Variants in ASB15 observed in about 807,000 individuals in gnomAD.
ASB15 encodes the protein ankyrin repeat and SOCS box containing 15.
In ASB15, 54 loss-of-function variants were observed where a neutral mutation model predicts 58.0. The observed-to-expected ratio is 0.93, with a 90% CI of 0.75 to 1.17. The LOEUF (loss-of-function observed/expected upper bound fraction) is 1.17, where lower values mean the gene tolerates loss of function less well. ASB15 is among the 50% of genes most tolerant of loss of function. The probability of loss-of-function intolerance (pLI) is 0.00; values close to 1 mark genes in which losing one functional copy is unlikely to be tolerated. For synonymous variants in ASB15, 249 were observed against 262.4 expected, an observed-to-expected ratio of 0.95 and a Z score of 0.50; for missense variants, 680 against 707.4, an observed-to-expected ratio of 0.96 and a Z score of 0.44.
intron 3 of ASB15, among the ~76,000 whole-genome samples, chr7:123,610,382 T>C (rs912042409): frequency 1.3e-5 from 2 of 152,230 alleles, no homozygotes; most frequent in Non-Finnish European, 2.9e-5. Flanking sequence ...CTTGATAATT[T>C]ATGGTTATTA....
chr7:123,580,676 G>A (rs1799205272), intron 1 of ASB15, among the ~76,000 whole-genome samples: 1 of 152,052 alleles, frequency 6.6e-6, no homozygotes, highest in Non-Finnish European at 1.5e-5. Flanking sequence ...GGGCACCCAT[G>A]TGGGTGAGTG....
chr7:123,589,190 T>C (rs1426528535), intron 1 of ASB15, among the ~76,000 whole-genome samples: 1 of 151,834 alleles, frequency 6.6e-6, no homozygotes, highest in Admixed American at 6.6e-5. Flanking sequence ...GAACTCTTAA[T>C]ATTTCCTTAC....
chr7:123,588,931 T>A (rs1799451861), intron 1 of ASB15, among the ~76,000 whole-genome samples: 1 of 152,028 alleles, frequency 6.6e-6, no homozygotes, highest in Middle Eastern at 3.4e-3. Context: ...TTGGAAAAGA[T>A]AATTGATATG....
chr7:123,589,911 A>G (rs1339098958), intron 1 of ASB15, among the ~76,000 whole-genome samples: 1 of 152,012 alleles, frequency 6.6e-6, no homozygotes, highest in Non-Finnish European at 1.5e-5. Context: ...TTCCACAATT[A>G]TTGAACTAAT....
chr7:123,570,083 G>T (rs1562905254), intron 1 of ASB15, among the ~76,000 whole-genome samples: 1 of 141,642 alleles, frequency 7.1e-6, no homozygotes, highest in Non-Finnish European at 1.5e-5. Context: ...TGCCCAGGCT[G>T]GCTTGCAGTG....
chr7:123,614,349 T>C (rs907116667), intron 3 of ASB15, 152 bp from the exon 4 acceptor site: 4 of 581,864 alleles, frequency 6.9e-6, no homozygotes, highest in Non-Finnish European at 1.2e-5. Context: ...ACAAGTAATG[T>C]GGATTAAAAT....
chr7:123,579,618 A>G (rs1193609661), intron 1 of ASB15, among the ~76,000 whole-genome samples: 2 of 152,114 alleles, frequency 1.3e-5, no homozygotes, highest in Non-Finnish European at 2.9e-5. Context: ...ATTTAGAACA[A>G]GTTTGCAACA....
intron 11 of ASB15, among the ~76,000 whole-genome samples, chr7:123,632,655 G>A (rs2116672793): frequency 6.6e-6 from 1 of 152,118 alleles, no homozygotes; most frequent in African/African-American, 2.4e-5. Context: ...CATCCCTGTA[G>A]CTTAGATAAA....
At chr7:123,603,850 A>G (rs780851984) in intron 1 of ASB15, among the ~76,000 whole-genome samples, 182 bp from the exon 2 acceptor site, 6 of 152,228 alleles carry the variant, frequency 3.9e-5, no homozygotes, top group African/African-American at 7.2e-5. Context: ...GGTCTAAATC[A>G]AGTCTGTAAC....
chr7:123,575,663 T>C (rs1395488137), intron 1 of ASB15, among the ~76,000 whole-genome samples: 1 of 152,108 alleles, frequency 6.6e-6, no homozygotes, highest in Non-Finnish European at 1.5e-5. Flanking sequence ...GTAACCTTTA[T>C]CTTTGAAGGA....
intron 1 of ASB15, chr7:123,596,515 T>A (rs905636970): frequency 6.6e-6 from 1 of 151,926 alleles, no homozygotes; most frequent in Non-Finnish European, 1.5e-5. Flanking sequence ...AGGAGGCTGA[T>A]GCGAGATGAT....
chr7:123,588,386 C>T (rs1176704183), intron 1 of ASB15, among the ~76,000 whole-genome samples: 1 of 151,356 alleles, frequency 6.6e-6, no homozygotes, highest in Non-Finnish European at 1.5e-5. Flanking sequence ...TTATTCATTT[C>T]ATTTGAATCT....
rs1458610966 is a variant in ASB15 at position 123,636,794 on chromosome 7, C to T, written c.1595-15C>T. 7 of 1,588,430 alleles carry T rather than the reference C, an allele frequency of 4.4e-6. No individual in the cohort carries two copies. In the South Asian group the frequency reaches 6.9e-5, roughly 16 times the overall value. Reference sequence around the variant, plus strand: ...TTTAAAAAATTTTTTTGCTTATTTTCCCGATTTCTTTTAGAGAATCCTTGT... The same window carrying T: ...TTTAAAAAATTTTTTTGCTTATTTTTCCGATTTCTTTTAGAGAATCCTTGT... On this transcript the variant is annotated splice_polypyrimidine_tract_variant and intron_variant, in intron 11 of 11. Coordinates refer to ENST00000451215, the MANE Select transcript of ASB15 (RefSeq NM_001290258.2).
chr7:123,628,148 T>C (rs1718962442), intron 9 of ASB15, among the ~76,000 whole-genome samples: 2 of 152,158 alleles, frequency 1.3e-5, no homozygotes, highest in Middle Eastern at 3.2e-3. Flanking sequence ...AAACTGTGGC[T>C]GGTTATCTCA....
chr7:123,610,999 T>C (rs1208505247), intron 3 of ASB15, among the ~76,000 whole-genome samples: 1 of 142,390 alleles, frequency 7.0e-6, no homozygotes, highest in African/African-American at 2.6e-5. Flanking sequence ...GGAGAATCAC[T>C]CGAACCCAGC....
intron 1 of ASB15, among the ~76,000 whole-genome samples, chr7:123,603,117 T>C (rs996354262): frequency 6.6e-6 from 1 of 152,220 alleles, no homozygotes; most frequent in African/African-American, 2.4e-5. Context: ...CTTGCTATGC[T>C]ATGTGCTTTA....
upstream of ASB15, among the ~76,000 whole-genome samples, chr7:123,599,310 CT>C (rs1300156782): frequency 2.0e-5 from 3 of 152,182 alleles, no homozygotes; most frequent in African/African-American, 7.2e-5. Context: ...TAAAGTAGGA[CT>C]CCCCAAGGTG....
chr7:123,589,132 AAGTAG>A (rs1042255997), intron 1 of ASB15, among the ~76,000 whole-genome samples: 1 of 151,786 alleles, frequency 6.6e-6, no homozygotes, highest in African/African-American at 2.4e-5. Context: ...TCATTGTTGA[AAGTAG>A]AGTATTGAAG....
chr7:123,632,604 CCT>C (rs1014589253), intron 11 of ASB15, among the ~76,000 whole-genome samples: 5 of 152,080 alleles, frequency 3.3e-5, no homozygotes, highest in African/African-American at 4.8e-5. Flanking sequence ...CACCCTTCCC[CCT>C]GAGTCCTCAA....
Sources: gnomAD v4.1 joint callset for allele counts (sites outside exome capture counted in the v4.1 genomes callset) on GRCh38, gnomAD v4.1.1 for gene constraint, MANE v1.5 for transcripts, NCBI Gene and HGNC (gene_info 2026-07-23, HGNC 2026-07-21) for gene names.